The following DDC variants were observed in gnomAD, a reference collection of about 807,000 sequenced individuals.
DDC encodes aromatic-L-amino-acid decarboxylase.
In DDC, 43 loss-of-function variants were observed where a neutral mutation model predicts 60.0. That is an observed-to-expected ratio of 0.72 (90% CI 0.56 to 0.92). The LOEUF is 0.92. Ranked by LOEUF, DDC falls within the 40% of genes least tolerant of loss-of-function variation. The pLI is 0.00. For missense variants in DDC, 573 were observed against 620.2 expected, an observed-to-expected ratio of 0.92 and a Z score of 0.81; for synonymous variants, 232 against 234.6, an observed-to-expected ratio of 0.99 and a Z score of 0.10.
intron 3 of DDC, 96 bp downstream of exon 3, chr7:50,539,819 C>T: frequency 1.1e-6 from 1 of 886,602 alleles, no homozygotes. Flanking sequence ...GACAGCACCG[C>T]CATCTGCTCA....
chr7:50,490,485 A>G (rs2042975783), intron 9 of DDC, among the ~76,000 whole-genome samples: 1 of 152,194 alleles, frequency 6.6e-6, no homozygotes, highest in Non-Finnish European at 1.5e-5. Context: ...CCTGGCTAAC[A>G]TGGTGAAACT....
intron 6 of DDC, among the ~76,000 whole-genome samples, chr7:50,522,690 A>T (rs951633363): frequency 6.6e-6 from 1 of 152,232 alleles, no homozygotes; most frequent in African/African-American, 2.4e-5. Context: ...GAACAACTGA[A>T]CATCTGCATT....
intron 9 of DDC, among the ~76,000 whole-genome samples, chr7:50,486,311 C>CA (rs2042879341): frequency 6.6e-6 from 1 of 152,158 alleles, no homozygotes; most frequent in African/African-American, 2.4e-5. Context: ...TCAGATACAG[C>CA]ACAGGCCACT....
chr7:50,483,802 G>A (rs1244192693), intron 9 of DDC, among the ~76,000 whole-genome samples: 2 of 151,978 alleles, frequency 1.3e-5, no homozygotes, highest in East Asian at 3.9e-4. Context: ...TGCTGGGGAG[G>A]CTGAGGCAGG....
chr7:50,475,811 T>G (rs2042629920), intron 11 of DDC, among the ~76,000 whole-genome samples: 1 of 151,900 alleles, frequency 6.6e-6, no homozygotes, highest in South Asian at 2.1e-4. Context: ...TGCCTCAGCC[T>G]CCGGGGTAGC....
chr7:50,562,117 G>A (rs1209008763), intron 1 of DDC, among the ~76,000 whole-genome samples: 3 of 152,202 alleles, frequency 2.0e-5, no homozygotes, highest in African/African-American at 4.8e-5. Flanking sequence ...TCTTTTCAAG[G>A]AAGAAGCTAC....
chr7:50,494,529 G>T (rs1187262029), intron 9 of DDC, among the ~76,000 whole-genome samples: 1 of 149,890 alleles, frequency 6.7e-6, no homozygotes, highest in Non-Finnish European at 1.5e-5. Flanking sequence ...AGAAAGAAAA[G>T]ATTTTGAGCC....
intron 1 of DDC, among the ~76,000 whole-genome samples, chr7:50,546,039 T>G (rs141463838): frequency 6.6e-6 from 1 of 152,000 alleles, no homozygotes; most frequent in Non-Finnish European, 1.5e-5. Flanking sequence ...ATTGCAGAAA[T>G]AGGATTCAAA....
chr7:50,492,085 G>C (rs1030073051), intron 9 of DDC, among the ~76,000 whole-genome samples: 20 of 107,430 alleles, frequency 1.9e-4, no homozygotes, highest in African/African-American at 6.7e-4. Flanking sequence ...TGAGGACAGG[G>C]AGAAGACAGC....
chr7:50,523,226 A>T (rs1160228082), intron 6 of DDC, among the ~76,000 whole-genome samples: 1 of 152,256 alleles, frequency 6.6e-6, no homozygotes, highest in Admixed American at 6.5e-5. Context: ...TTCCGAGAAG[A>T]TAATATAGGA....
chr7:50,463,237 C>A lies in DDC; in HGVS notation c.1437G>T (p.Arg479Ser), dbSNP rs2042321931. Residue 479 changes from arginine to serine, a missense_variant, in exon 14 of 15, where the codon AGG (arginine) becomes AGT (serine). Coordinates refer to ENST00000444124, the MANE Select transcript of DDC (RefSeq NM_001082971.2). ...ELAADVLRAE[R>S]E ...CCTGCAGCTGGCTTCACTCCTACTC[C>A]CTCTCTGCTCGCAGCACGTCGGCCG... 1 of 1,611,524 alleles carries A rather than the reference C, an allele frequency of 6.2e-7. No homozygotes were observed. Among genetic ancestry groups the A allele is most frequent in the Admixed American group, 1.7e-5 (1 of 59,650 alleles).
At chr7:50,523,352 T>C (rs913425499) in intron 6 of DDC, among the ~76,000 whole-genome samples, 1 of 152,190 alleles carries the variant, frequency 6.6e-6, no homozygotes, top group Non-Finnish European at 1.5e-5. Flanking sequence ...ACTTCTGCTC[T>C]GCAAAAGACA....
intron 1 of DDC, among the ~76,000 whole-genome samples, chr7:50,554,535 C>A (rs2045116536): frequency 1.3e-5 from 2 of 152,328 alleles, no homozygotes; most frequent in South Asian, 4.1e-4. Flanking sequence ...TCTTCCACAG[C>A]TCTCAAACTC....
chr7:50,469,678 G>T (rs2042485144), intron 12 of DDC, among the ~76,000 whole-genome samples: 1 of 152,120 alleles, frequency 6.6e-6, no homozygotes, highest in African/African-American at 2.4e-5. Context: ...CCATGTATTT[G>T]CTTATTAAGA....
intron 1 of DDC, among the ~76,000 whole-genome samples, chr7:50,554,491 C>T (rs2045115278): frequency 1.3e-5 from 2 of 152,178 alleles, no homozygotes; most frequent in Admixed American, 1.3e-4. Flanking sequence ...TTCCTTCCTC[C>T]CTTTCTAGGA....
At chr7:50,482,755 G>T (rs2042797530) in intron 9 of DDC, among the ~76,000 whole-genome samples, 1 of 152,080 alleles carries the variant, frequency 6.6e-6, no homozygotes, top group South Asian at 2.1e-4. Flanking sequence ...AACAGGTTTG[G>T]ATATGTTTGT....
rs1394848094 is a variant in DDC at position 50,463,432 on chromosome 7, C to G, written c.1243-1G>C. On this transcript the variant is annotated splice_acceptor_variant, in intron 13 of 14. Coordinates refer to ENST00000444124, the MANE Select transcript of DDC (RefSeq NM_001082971.2). LOFTEE classifies it high-confidence loss of function. ...GAGCTTCATTCACTTTGTTGGAACC[C>G]TGGAGGGATTGAAAGAGAGGAACTG... 1 of 1,613,882 alleles carries G rather than the reference C, an allele frequency of 6.2e-7. No homozygotes were observed. The highest frequency in any genetic ancestry group is 1.1e-5 in the South Asian group (1 of 91,058).
At position 50,543,981 on chromosome 7, in the gene DDC, G is replaced by A. The variant is rs751163340; in HGVS notation, c.105C>T (p.Pro35=). ...EGRQVYPDVE[P]GYLRPLIPAA... is the part of the protein sequence containing the mutation. ...CAGGGATCAGCGGCCGCAGGTACCCGGGCTCCACGTCAGGGTAGACCTGGC... is the reference window on the plus strand; with the variant it reads ...CAGGGATCAGCGGCCGCAGGTACCCAGGCTCCACGTCAGGGTAGACCTGGC... Residue 35 remains proline (P), a synonymous_variant, in exon 2 of 15, where the codon CCC becomes CCT. Transcript: ENST00000444124. 1.3e-5 allele frequency: 21 copies of A among 1,614,120 alleles called. No homozygotes were observed. Among genetic ancestry groups the A allele is most frequent in the African/African-American group, 5.3e-5 (4 of 75,008 alleles).
intron 6 of DDC, among the ~76,000 whole-genome samples, chr7:50,520,074 T>C (rs184842522): frequency 6.8e-4 from 103 of 152,358 alleles, no homozygotes; most frequent in Admixed American, 1.4e-3. Flanking sequence ...CTCACTCTTA[T>C]AGTTGGAGAC....
Sources: gnomAD v4.1 joint callset for allele counts (sites outside exome capture counted in the v4.1 genomes callset) on GRCh38, gnomAD v4.1.1 for gene constraint, MANE v1.5 for transcripts, NCBI Gene and HGNC (gene_info 2026-07-23, HGNC 2026-07-21) for gene names.